The following CAPZB variants were observed in gnomAD, a reference collection of about 807,000 sequenced individuals.
The protein encoded by CAPZB is F-actin-capping protein subunit beta.
In CAPZB, 2 loss-of-function variants were observed where a neutral mutation model predicts 38.1. The observed-to-expected ratio is 0.05, with a 90% CI of 0.02 to 0.17. The LOEUF (loss-of-function observed/expected upper bound fraction) is 0.17, where lower values mean the gene tolerates loss of function less well. CAPZB is among the 10% of genes least tolerant of loss of function. The pLI is 1.00. For synonymous variants in CAPZB, 107 were observed against 127.4 expected (o/e 0.84, Z 1.08); for missense variants, 161 against 334.2 (o/e 0.48, Z 4.04).
chr1:19,443,524 G>A (rs931123208), intron 1 of CAPZB, among the ~76,000 whole-genome samples: 10 of 152,144 alleles, frequency 6.6e-5, no homozygotes, highest in African/African-American at 1.9e-4. Context: ...GACTGTTGAC[G>A]TCAGTTTCTG....
intron 6 of CAPZB, among the ~76,000 whole-genome samples, chr1:19,351,403 G>A (rs1274684320): frequency 1.3e-5 from 2 of 151,992 alleles, no homozygotes; most frequent in Non-Finnish European, 2.9e-5. Flanking sequence ...AAACTCCTGG[G>A]CTCAAGTGAT....
chr1:19,373,994 A>G (rs1453608499), intron 4 of CAPZB, among the ~76,000 whole-genome samples: 3 of 152,198 alleles, frequency 2.0e-5, no homozygotes, highest in South Asian at 4.1e-4. Flanking sequence ...CTCAAGGAGT[A>G]AGGACAAAGC....
intron 2 of CAPZB, among the ~76,000 whole-genome samples, chr1:19,395,299 A>T (rs2094260852): frequency 6.6e-6 from 1 of 152,216 alleles, no homozygotes; most frequent in Non-Finnish European, 1.5e-5. Context: ...GATTTATTCT[A>T]CTTAGAAATG....
intron 2 of CAPZB, among the ~76,000 whole-genome samples, chr1:19,414,127 G>A (rs1160871492): frequency 1.3e-5 from 2 of 152,130 alleles, no homozygotes; most frequent in Non-Finnish European, 2.9e-5. Flanking sequence ...CCACTCACTC[G>A]TTCACTAAGG....
chr1:19,420,881 A>T (rs1566534), intron 1 of CAPZB, among the ~76,000 whole-genome samples: 149,936 of 152,314 alleles, frequency 0.98, 73,844 homozygotes, highest in East Asian at 1. Context: ...GGAAGGGAAC[A>T]GAGCGGAGGC....
At chr1:19,378,779 T>C in intron 3 of CAPZB, 126 bp from the exon 4 acceptor site, 1 of 609,392 alleles carries the variant, frequency 1.6e-6, no homozygotes, top group Non-Finnish European at 2.9e-6. Context: ...AGCAAAGATT[T>C]TTCTGGGTCC....
chr1:19,483,270 C>A (rs2094636967), intron 1 of CAPZB, among the ~76,000 whole-genome samples: 1 of 152,218 alleles, frequency 6.6e-6, no homozygotes, highest in Admixed American at 6.5e-5. Flanking sequence ...CAAACGGTAT[C>A]ATTAAACCTT....
chr1:19,418,448 C>T (rs997800647), intron 2 of CAPZB, among the ~76,000 whole-genome samples: 1 of 152,202 alleles, frequency 6.6e-6, no homozygotes, highest in Non-Finnish European at 1.5e-5. Flanking sequence ...GAAATGTCGA[C>T]TGTCTGGCAG....
rs181310564 is a variant in CAPZB at position 19,357,923 on chromosome 1, C to A, written c.330-360G>T. Among the ~76,000 whole-genome samples, 14 of 152,210 alleles carry A rather than the reference C, an allele frequency of 9.2e-5. No individual in the cohort carries two copies. Among genetic ancestry groups the A allele is most frequent in the African/African-American group, 3.4e-4 (14 of 41,508 alleles). The stretch of plus-strand genomic sequence containing the variant: ...TGCAGGCCATGACTACTGGAGTCAC[C>A]ACGGTTGTTCGATATTTCTGTCTTT... On this transcript the variant is annotated intron_variant, in intron 4 of 8. Coordinates refer to ENST00000264202, the MANE Select transcript of CAPZB (RefSeq NM_004930.5). The surrounding 1 kb of genome is among the most constrained non-coding windows in gnomAD (Gnocchi z 4.3).
At chr1:19,458,292 G>C (rs1401761124) in intron 1 of CAPZB, among the ~76,000 whole-genome samples, 2 of 152,294 alleles carry the variant, frequency 1.3e-5, no homozygotes, top group African/African-American at 2.4e-5. Context: ...TTTTATGAAA[G>C]TATTTTTATG....
At chr1:19,378,043 G>T (rs1558201008) in intron 4 of CAPZB, among the ~76,000 whole-genome samples, 1 of 152,174 alleles carries the variant, frequency 6.6e-6, no homozygotes, top group East Asian at 1.9e-4. Flanking sequence ...AATCCATACG[G>T]GCCTTTGGAG....
rs562902282 is a variant in CAPZB at position 19,386,897 on chromosome 1, G to A, written c.94-1271C>T. Among the ~76,000 whole-genome samples, 288 of 152,336 alleles carry A rather than the reference G, an allele frequency of 1.9e-3. 1 individual carries two copies. Among genetic ancestry groups the A allele is most frequent in the African/African-American group, 6.6e-3 (274 of 41,576 alleles). ...CCAACCCCTGTGTACAATGTGCTGG[G>A]CTTACAGGTGTGAGCCCCCAGGCCT... On this transcript the variant is annotated intron_variant, in intron 2 of 8. Transcript: ENST00000264202.
chr1:19,454,633 G>C (rs1435042578), intron 1 of CAPZB, among the ~76,000 whole-genome samples: 1 of 152,174 alleles, frequency 6.6e-6, no homozygotes, highest in Non-Finnish European at 1.5e-5. Flanking sequence ...GGGCCACAGA[G>C]CTGCCAAGCA....
At position 19,461,100 on chromosome 1, in the gene CAPZB, G is replaced by T. The variant is rs866045076; in HGVS notation, c.3+24336C>A. Among the ~76,000 whole-genome samples the T allele has an allele frequency of 1.9e-3, 291 of 151,518 alleles. 3 individuals carry two copies. The highest frequency in any genetic ancestry group is 6.8e-3 in the African/African-American group (280 of 41,424). Reference sequence around the variant, plus strand: ...TTATTCACCCCTGGGCGGGGGCGGGGGGGGGAGGGGCGGGTTCCAGCACAG... The same window carrying T: ...TTATTCACCCCTGGGCGGGGGCGGGTGGGGGAGGGGCGGGTTCCAGCACAG... On this transcript the variant is annotated intron_variant, in intron 1 of 8. Transcript: ENST00000264202.
chr1:19,466,666 G>C (rs138818257), intron 1 of CAPZB, among the ~76,000 whole-genome samples: 1 of 152,314 alleles, frequency 6.6e-6, no homozygotes, highest in East Asian at 1.9e-4. Context: ...GCAGTCCCAA[G>C]TCACGCTCCA....
At chr1:19,351,902 G>C (rs2100288090) in intron 6 of CAPZB, among the ~76,000 whole-genome samples, 1 of 152,262 alleles carries the variant, frequency 6.6e-6, no homozygotes, top group South Asian at 2.1e-4. Flanking sequence ...ATGGTTGTGG[G>C]GAGCCTGTCT....
At chr1:19,423,882 G>GC (rs1196342637) in intron 1 of CAPZB, among the ~76,000 whole-genome samples, 1 of 152,122 alleles carries the variant, frequency 6.6e-6, no homozygotes, top group Non-Finnish European at 1.5e-5. Context: ...TCACCATGCT[G>GC]CCCAGGATGG....
At chr1:19,447,601 T>G (rs1008809273) in intron 1 of CAPZB, among the ~76,000 whole-genome samples, 1 of 152,122 alleles carries the variant, frequency 6.6e-6, no homozygotes. Context: ...CTATTTTTTG[T>G]GCCTTCCTAA....
At chr1:19,416,265 A>T (rs2094378688) in intron 2 of CAPZB, among the ~76,000 whole-genome samples, 1 of 152,236 alleles carries the variant, frequency 6.6e-6, no homozygotes, top group African/African-American at 2.4e-5. Flanking sequence ...CTCTCCCAAC[A>T]GGCAAAACTG....
Sources: gnomAD v4.1 joint callset for allele counts (sites outside exome capture counted in the v4.1 genomes callset) on GRCh38, gnomAD v4.1.1 for gene constraint, Gnocchi (gnomAD v3.1) non-coding constraint, MANE v1.5 for transcripts, NCBI Gene and HGNC (gene_info 2026-07-23, HGNC 2026-07-21) for gene names.